The following SLC7A2 variants were observed in gnomAD, a reference collection of about 807,000 sequenced individuals.
The protein encoded by SLC7A2 is solute carrier family 7 member 2.
A neutral mutation model predicts 58.9 loss-of-function variants in SLC7A2; 48 were observed. That is an observed-to-expected ratio of 0.82 (90% confidence interval 0.65 to 1.04). The LOEUF (loss-of-function observed/expected upper bound fraction) is 1.04. SLC7A2 is among the 50% of genes least tolerant of loss of function. The pLI is 0.00. For missense variants in SLC7A2, 1,029 were observed against 818.8 expected, an observed-to-expected ratio of 1.26 and a Z score of -3.13; for synonymous variants, 363 against 314.5, an observed-to-expected ratio of 1.15 and a Z score of -1.63.
chr8:17,537,952 A>G (rs1276591547), intron 2 of SLC7A2, among the ~76,000 whole-genome samples: 1 of 152,118 alleles, frequency 6.6e-6, no homozygotes, highest in African/African-American at 2.4e-5. Flanking sequence ...TTTTTTCTGC[A>G]TCTCTTTGAG....
At chr8:17,507,232 ACT>A (rs1800405962) in intron 2 of SLC7A2, among the ~76,000 whole-genome samples, 1 of 152,194 alleles carries the variant, frequency 6.6e-6, no homozygotes, top group Non-Finnish European at 1.5e-5. Context: ...GGCGTGAGCC[ACT>A]GTGTCTGGCC....
At chr8:17,494,708 C>T (rs1487903487), upstream of SLC7A2, among the ~76,000 whole-genome samples, 1 of 152,168 alleles carries the variant, frequency 6.6e-6, no homozygotes, top group African/African-American at 2.4e-5. Flanking sequence ...CATCTAAACA[C>T]ATTTTTAAAG....
At chr8:17,516,782 A>G (rs920036391) in intron 2 of SLC7A2, among the ~76,000 whole-genome samples, 1 of 152,196 alleles carries the variant, frequency 6.6e-6, no homozygotes, top group Admixed American at 6.5e-5. Context: ...TAAGAAAAAG[A>G]TGGTTTAAGC....
chr8:17,497,463 G>A (rs1447494832), intron 1 of SLC7A2, among the ~76,000 whole-genome samples: 1 of 152,180 alleles, frequency 6.6e-6, no homozygotes, highest in African/African-American at 2.4e-5. Flanking sequence ...TGAAGCCGTG[G>A]ACCTTCGTCC....
intron 2 of SLC7A2, chr8:17,511,403 C>T (rs1276891745): frequency 6.6e-6 from 1 of 152,160 alleles, no homozygotes; most frequent in Non-Finnish European, 1.5e-5. Context: ...CAGAAGAACC[C>T]TAAGTACTTT....
chr8:17,546,255 C>T (rs1331953834), intron 4 of SLC7A2, among the ~76,000 whole-genome samples: 1 of 152,184 alleles, frequency 6.6e-6, no homozygotes, highest in Non-Finnish European at 1.5e-5. Flanking sequence ...TAGTTTAATT[C>T]CACAGCAAGA....
At chr8:17,562,301 G>T (rs150236761) in intron 11 of SLC7A2, among the ~76,000 whole-genome samples, 191 bp downstream of exon 11, 1 of 145,966 alleles carries the variant, frequency 6.9e-6, no homozygotes, top group Non-Finnish European at 1.5e-5. Context: ...TGCCTCCCGG[G>T]TTCAAGCACT....
At position 17,570,530 on chromosome 8, in the gene SLC7A2, G is replaced by A. The variant is rs957204630; in HGVS notation, c.*5384G>A. The A allele has an allele frequency of 2.0e-5, 3 of 150,722 alleles. No homozygotes were observed. Among genetic ancestry groups the A allele is most frequent in the African/African-American group, 7.5e-5 (3 of 40,060 alleles). 9.3% of individuals were successfully genotyped at this position (150,722 alleles called of 1,614,324 possible). On this transcript the variant is annotated 3_prime_UTR_variant, in exon 13 of 13. Coordinates refer to ENST00000494857, the MANE Select transcript of SLC7A2 (RefSeq NM_001370338.1). The stretch of plus-strand genomic sequence containing the variant: ...ACCACTGTAAAATATGCTTTCTGAT[G>A]TGGTGTATTTTTAAAATAAATTTTA...
chr8:17,549,500 T>A (rs527366197), intron 5 of SLC7A2, among the ~76,000 whole-genome samples: 1 of 152,264 alleles, frequency 6.6e-6, no homozygotes, highest in South Asian at 2.1e-4. Flanking sequence ...TTGGAAAAAC[T>A]TGATCTTTTC....
chr8:17,501,201 A>C (rs867308891), intron 1 of SLC7A2, among the ~76,000 whole-genome samples: 1 of 151,978 alleles, frequency 6.6e-6, no homozygotes, highest in Non-Finnish European at 1.5e-5. Flanking sequence ...TTTAGTATAG[A>C]TGGGGTTTCA....
At chr8:17,547,216 G>A (rs1802214218) in intron 4 of SLC7A2, among the ~76,000 whole-genome samples, 1 of 150,506 alleles carries the variant, frequency 6.6e-6, no homozygotes, top group Admixed American at 6.6e-5. Flanking sequence ...TCACAGTCAT[G>A]GTGGAAGGTG....
At chr8:17,545,247 C>G (rs997218915) in intron 4 of SLC7A2, among the ~76,000 whole-genome samples, 1 of 152,112 alleles carries the variant, frequency 6.6e-6, no homozygotes, top group Admixed American at 6.6e-5. Context: ...TAATCTTTCC[C>G]TCACTCGTAC....
chr8:17,544,428 A>G (rs1017323059), intron 3 of SLC7A2, 23 bp from the exon 4 acceptor site: 2 of 1,606,242 alleles, frequency 1.2e-6, no homozygotes, highest in African/African-American at 1.3e-5. Context: ...GTGACTTCGT[A>G]TTCTCTGTTC....
At chr8:17,507,864 A>C (rs1412944408) in intron 2 of SLC7A2, among the ~76,000 whole-genome samples, 1 of 152,206 alleles carries the variant, frequency 6.6e-6, no homozygotes, top group Non-Finnish European at 1.5e-5. Flanking sequence ...GGAAGTTTTT[A>C]GATTTTGAAA....
At position 17,562,114 on chromosome 8, in the gene SLC7A2, T is replaced by A. The variant is rs762575843; in HGVS notation, c.1671+4T>A. 2.5e-6 allele frequency: 4 copies of A among 1,611,302 alleles called. No individual in the cohort carries two copies. The highest frequency in any genetic ancestry group is 3.4e-6 in the Non-Finnish European group (4 of 1,179,030). ...TCAGCAAAAAGTAGCCTTCATGGTA[T>A]GTGTAATGAGGATTAGAGACCCAAA... On this transcript the variant is annotated splice_donor_region_variant and intron_variant, in intron 11 of 12. Transcript: ENST00000494857.
At chr8:17,563,189 C>G (rs1055055880) in intron 11 of SLC7A2, among the ~76,000 whole-genome samples, 1 of 152,064 alleles carries the variant, frequency 6.6e-6, no homozygotes, top group African/African-American at 2.4e-5. Context: ...ATAAGCTCCT[C>G]CACTGCAAGT....
At chr8:17,497,980 C>A (rs2150630707) in intron 1 of SLC7A2, among the ~76,000 whole-genome samples, 1 of 152,226 alleles carries the variant, frequency 6.6e-6, no homozygotes, top group South Asian at 2.1e-4. Flanking sequence ...TACATCCAGT[C>A]TATGGAGTAA....
chr8:17,558,324 G>T lies in SLC7A2; in HGVS notation c.1225G>T (p.Ala409Ser). The change falls in exon 9 of 13, where the codon GCG becomes TCG. Residue 409 changes from alanine (A) to serine (S), a missense_variant. Ala to Ser is a moderately conservative substitution (Grantham distance 99). Coordinates refer to ENST00000494857, the MANE Select transcript of SLC7A2 (RefSeq NM_001370338.1). ...ALMAFLFDLK[A>S]LVDMMSIGTL... ...GATGGCCTTTCTGTTTGACCTGAAG[G>T]CGCTTGTGGACATGATGTCCATTGG... The T allele has an allele frequency of 6.2e-7, 1 of 1,613,242 alleles. No individual in the cohort carries two copies. Among genetic ancestry groups the T allele is most frequent in the Non-Finnish European group, 8.5e-7 (1 of 1,179,650 alleles).
At position 17,544,623 on chromosome 8, in the gene SLC7A2, T is replaced by C. The variant is rs774935309; in HGVS notation, c.532+17T>C. Reference sequence around the variant, plus strand: ...TTCTAGCAGGTAAGAAAACCAGTTATGAGTCTCTGCAGAATGAGCCACACT... The same window carrying C: ...TTCTAGCAGGTAAGAAAACCAGTTACGAGTCTCTGCAGAATGAGCCACACT... On this transcript the variant is annotated intron_variant, in intron 4 of 12. Coordinates refer to ENST00000494857, the MANE Select transcript of SLC7A2 (RefSeq NM_001370338.1). 4 of 1,611,678 alleles carry C rather than the reference T, an allele frequency of 2.5e-6. No homozygotes were observed. Among genetic ancestry groups the C allele is most frequent in the East Asian group, 2.2e-5 (1 of 44,836 alleles).
Sources: gnomAD v4.1 joint callset for allele counts (sites outside exome capture counted in the v4.1 genomes callset) on GRCh38, gnomAD v4.1.1 for gene constraint, MANE v1.5 for transcripts, NCBI Gene and HGNC (gene_info 2026-07-23, HGNC 2026-07-21) for gene names.